The following ARHGAP22 variants were observed in gnomAD, a reference collection of about 807,000 sequenced individuals.
ARHGAP22 encodes the protein Rho GTPase activating protein 22.
ARHGAP22 carries 48 observed loss-of-function variants against 59.1 expected under a neutral mutation model. That is an observed-to-expected ratio of 0.81 (90% CI 0.64 to 1.03). The LOEUF is 1.03. ARHGAP22 is among the 50% of genes least tolerant of loss of function. ARHGAP22 has a pLI of 0.00. For synonymous variants in ARHGAP22, 445 were observed against 416.4 expected (o/e 1.07, Z -0.84); for missense variants, 1,015 against 958.7 (o/e 1.06, Z -0.78).
In ARHGAP22 at chr10:48,549,499, A is replaced by T. The variant is rs150587092; in HGVS notation, c.322+5964T>A. On this transcript the variant is annotated intron_variant, in intron 3 of 9. Coordinates refer to ENST00000249601, the MANE Select transcript of ARHGAP22 (RefSeq NM_021226.4). Reference sequence around the variant, plus strand: ...CTGGGGCATTGCTGGGGGCAGGGTGACCAGTCTAGGGGAACGCCTCTTTCC... The same window carrying T: ...CTGGGGCATTGCTGGGGGCAGGGTGTCCAGTCTAGGGGAACGCCTCTTTCC... Among the ~76,000 whole-genome samples the T allele has an allele frequency of 3.6e-4, 54 of 152,092 alleles. No homozygotes were observed. In the East Asian group the frequency reaches 9.3e-3, roughly 26 times the overall value.
chr10:48,559,022 C>T (rs761927375), intron 2 of ARHGAP22, among the ~76,000 whole-genome samples: 9 of 152,206 alleles, frequency 5.9e-5, no homozygotes, highest in Admixed American at 3.3e-4. Context: ...GTGCTTTAGA[C>T]GCATGCAGGT....
At chr10:48,461,271 G>T (rs566507795) in intron 4 of ARHGAP22, among the ~76,000 whole-genome samples, 1 of 152,332 alleles carries the variant, frequency 6.6e-6, no homozygotes, top group African/African-American at 2.4e-5. Context: ...AAACGCATCT[G>T]TGCTGTTAGG....
chr10:48,553,633 G>A (rs572366527), intron 3 of ARHGAP22, among the ~76,000 whole-genome samples: 1 of 152,268 alleles, frequency 6.6e-6, no homozygotes, highest in African/African-American at 2.4e-5. Context: ...ATTGTGGGAG[G>A]CAGAATAATG....
chr10:48,608,072 T>C (rs930610453), upstream of ARHGAP22, among the ~76,000 whole-genome samples: 2 of 152,210 alleles, frequency 1.3e-5, no homozygotes, highest in South Asian at 2.1e-4. Context: ...CAGTGTTTAT[T>C]GTCATTGGGA....
intron 1 of ARHGAP22, among the ~76,000 whole-genome samples, chr10:48,596,379 C>A (rs2060068114): frequency 6.6e-6 from 1 of 151,896 alleles, no homozygotes; most frequent in Non-Finnish European, 1.5e-5. Flanking sequence ...TTGCTGTCAT[C>A]TATAAAGGGA....
intron 6 of ARHGAP22, among the ~76,000 whole-genome samples, chr10:48,454,574 C>T (rs1194162746): frequency 6.6e-6 from 1 of 152,200 alleles, no homozygotes; most frequent in Non-Finnish European, 1.5e-5. Flanking sequence ...GGAGGGCTGG[C>T]TCATCTGTCC....
intron 3 of ARHGAP22, among the ~76,000 whole-genome samples, chr10:48,528,453 G>A (rs560549009): frequency 1.3e-5 from 2 of 152,296 alleles, no homozygotes; most frequent in South Asian, 4.1e-4. Flanking sequence ...GTGGGGCGGG[G>A]GATAGGAGGT....
At chr10:48,635,149 C>A (rs2061765524) in intron 1 of ARHGAP22, among the ~76,000 whole-genome samples, 1 of 152,198 alleles carries the variant, frequency 6.6e-6, no homozygotes, top group African/African-American at 2.4e-5. Context: ...CTCTTGGAGG[C>A]TAGGCTCCTT....
At chr10:48,652,501 CTAG>C (rs2062607713) in exon 1 of ARHGAP22, 1 of 579,234 alleles carries the variant, frequency 1.7e-6, no homozygotes. Flanking sequence ...GTAAGTGCAT[CTAG>C]GGATCTTGGA....
chr10:48,448,599 A>G (rs1286097197), intron 9 of ARHGAP22, among the ~76,000 whole-genome samples: 1 of 95,226 alleles, frequency 1.1e-5, no homozygotes, highest in South Asian at 4.1e-4. Context: ...GCCTCACCCC[A>G]CCCCCCACCC....
chr10:48,433,411 TATACC>T, the ARHGAP22 span, among the ~76,000 whole-genome samples: 1 of 152,218 alleles, frequency 6.6e-6, no homozygotes. Context: ...GGTACACAGA[TATACC>T]ATACTGTTCA....
chr10:48,626,177 C>A (rs2061442290), intron 1 of ARHGAP22, among the ~76,000 whole-genome samples: 1 of 152,138 alleles, frequency 6.6e-6, no homozygotes, highest in African/African-American at 2.4e-5. Context: ...CTATCCCACC[C>A]CTAAATCAGA....
chr10:48,444,188 T>G (rs2045269424), downstream of ARHGAP22: 1 of 152,262 alleles, frequency 6.6e-6, no homozygotes, highest in South Asian at 2.1e-4. Flanking sequence ...TGTTCATAAT[T>G]CATGTAATTC....
At chr10:48,632,571 A>C (rs1216530436) in intron 1 of ARHGAP22, among the ~76,000 whole-genome samples, 2 of 152,066 alleles carry the variant, frequency 1.3e-5, no homozygotes, top group Non-Finnish European at 2.9e-5. Flanking sequence ...TGTTTTCTGC[A>C]TTTTGAATGT....
intron 1 of ARHGAP22, among the ~76,000 whole-genome samples, chr10:48,630,221 A>G (rs1019466918): frequency 2.0e-5 from 3 of 152,114 alleles, no homozygotes; most frequent in East Asian, 3.9e-4. Flanking sequence ...CCTCCTGACT[A>G]GCTGGGACTA....
intron 3 of ARHGAP22, among the ~76,000 whole-genome samples, chr10:48,505,550 A>T (rs1423887584): frequency 1.3e-5 from 2 of 151,708 alleles, no homozygotes; most frequent in East Asian, 3.9e-4. Flanking sequence ...CCCATCCCCA[A>T]TTCTGCATCA....
At position 48,446,320 on chromosome 10, in the gene ARHGAP22, CA is replaced by C; in HGVS notation, c.*70del. The C allele has an allele frequency of 6.5e-7, 1 of 1,537,040 alleles. No individual in the cohort carries two copies. Among genetic ancestry groups the C allele is most frequent in the African/African-American group, 1.4e-5 (1 of 72,590 alleles). On this transcript the variant is annotated 3_prime_UTR_variant, in exon 10 of 10. Coordinates refer to ENST00000249601, the MANE Select transcript of ARHGAP22 (RefSeq NM_021226.4). ...AGAGCGCCTGGCTGCTCCAGAGATACAGACGCTTCTAACTCCATACAAGGCT... is the reference window on the plus strand; with the variant it reads ...AGAGCGCCTGGCTGCTCCAGAGATACGACGCTTCTAACTCCATACAAGGCT...
intron 1 of ARHGAP22, among the ~76,000 whole-genome samples, chr10:48,588,125 A>G (rs1431251463): frequency 1.3e-5 from 2 of 152,236 alleles, no homozygotes; most frequent in Non-Finnish European, 2.9e-5. Context: ...CCCAAGGCCC[A>G]GGCATCAGGC....
intron 8 of ARHGAP22, chr10:48,451,571 G>A (rs960520319): frequency 1.1e-5 from 8 of 702,236 alleles, no homozygotes; most frequent in Middle Eastern, 4.6e-4. Context: ...CACTCTGGGA[G>A]CATAGGGCTC....
Sources: allele counts gnomAD v4.1 joint callset (sites outside exome capture counted in the v4.1 genomes callset), GRCh38; gene constraint gnomAD v4.1.1; transcripts MANE v1.5; gene names NCBI Gene and HGNC (gene_info 2026-07-23, HGNC 2026-07-21).